Variants in PDE8B observed in about 807,000 individuals in gnomAD.
PDE8B encodes the protein phosphodiesterase 8B.
In PDE8B, 26 loss-of-function variants were observed where a neutral mutation model predicts 101.3. The ratio of observed to expected loss-of-function variants is 0.26; its 90% CI spans 0.19 to 0.36. The LOEUF (loss-of-function observed/expected upper bound fraction) is 0.36. PDE8B is among the 10% of genes least tolerant of loss of function. The probability of loss-of-function intolerance (pLI) is 1.00; values close to 1 mark genes in which losing one functional copy is unlikely to be tolerated. For missense variants in PDE8B, 810 were observed against 1,163.1 expected (o/e 0.70, Z 4.42); for synonymous variants, 424 against 429.3 (o/e 0.99, Z 0.15).
At chr5:77,311,892 T>A in intron 1 of PDE8B, 102 bp from the exon 2 acceptor site, 1 of 920,614 alleles carries the variant, frequency 1.1e-6, no homozygotes, top group Non-Finnish European at 1.8e-6. Flanking sequence ...ATTCTTCAAT[T>A]TAGTGCACAC....
chr5:77,400,888 T>C (rs1437792594), intron 11 of PDE8B, among the ~76,000 whole-genome samples: 1 of 152,182 alleles, frequency 6.6e-6, no homozygotes, highest in East Asian at 1.9e-4. Flanking sequence ...AAAATCAGTC[T>C]GCTACCAAGA....
the PDE8B span, among the ~76,000 whole-genome samples, chr5:77,187,878 C>G: frequency 1.3e-5 from 2 of 152,148 alleles, no homozygotes; most frequent in African/African-American, 2.4e-5. Flanking sequence ...AAATATTACT[C>G]CTTTTGAGTG....
chr5:77,424,175 A>C (rs1490569948), intron 20 of PDE8B, among the ~76,000 whole-genome samples: 7 of 152,206 alleles, frequency 4.6e-5, no homozygotes, highest in Non-Finnish European at 1.0e-4. Context: ...ACCTGAAATG[A>C]GCAAGCCAAG....
At chr5:77,173,048 G>A in the PDE8B span, among the ~76,000 whole-genome samples, 3 of 152,202 alleles carry the variant, frequency 2.0e-5, no homozygotes, top group African/African-American at 7.2e-5. Flanking sequence ...GCATGTAGAG[G>A]TGGTACCATC....
chr5:77,276,989 C>T (rs1413193793), intron 1 of PDE8B, among the ~76,000 whole-genome samples: 1 of 152,052 alleles, frequency 6.6e-6, no homozygotes, highest in Non-Finnish European at 1.5e-5. Context: ...GGGTGCTGGT[C>T]ACTGATCTCC....
chr5:77,324,117 C>A (rs1775602562), intron 2 of PDE8B, among the ~76,000 whole-genome samples: 1 of 152,024 alleles, frequency 6.6e-6, no homozygotes, highest in African/African-American at 2.4e-5. Flanking sequence ...GAGAAACTAC[C>A]CTTCTATTGT....
chr5:77,390,483 C>G (rs766582617), intron 10 of PDE8B, among the ~76,000 whole-genome samples: 6 of 152,176 alleles, frequency 3.9e-5, no homozygotes, highest in Non-Finnish European at 7.3e-5. Flanking sequence ...CACACAAAAT[C>G]AAACTTCCCA....
chr5:77,365,138 A>G (rs1783884142), intron 10 of PDE8B, among the ~76,000 whole-genome samples: 1 of 152,152 alleles, frequency 6.6e-6, no homozygotes, highest in Non-Finnish European at 1.5e-5. Flanking sequence ...GGAGTGTGGA[A>G]GGGCTAACAT....
At chr5:77,157,649 C>A in the PDE8B span, among the ~76,000 whole-genome samples, 62 of 152,320 alleles carry the variant, frequency 4.1e-4, no homozygotes, top group African/African-American at 1.4e-3. Context: ...GAGAAAATAT[C>A]TTATTTTCCT....
chr5:77,425,755 T>G lies in PDE8B; in HGVS notation c.2419-12T>G. 1 of 1,613,622 alleles carries G rather than the reference T, an allele frequency of 6.2e-7. No individual in the cohort carries two copies. The highest frequency in any genetic ancestry group is 8.5e-7 in the Non-Finnish European group (1 of 1,179,644). On this transcript the variant is annotated splice_polypyrimidine_tract_variant and intron_variant, in intron 20 of 21. Coordinates refer to ENST00000264917, the MANE Select transcript of PDE8B (RefSeq NM_003719.5). ...ATGTCCTCCAGCCCTATGTGGTGGTTTTTTCTTACAGACTGATGAAGAGAA... is the reference window on the plus strand; with the variant it reads ...ATGTCCTCCAGCCCTATGTGGTGGTGTTTTCTTACAGACTGATGAAGAGAA...
chr5:77,422,925 A>G (rs1339928825), intron 20 of PDE8B, among the ~76,000 whole-genome samples: 1 of 152,168 alleles, frequency 6.6e-6, no homozygotes, highest in Non-Finnish European at 1.5e-5. Flanking sequence ...AAAAGGGTAT[A>G]TTGCTGATGC....
chr5:77,222,084 G>A (rs529989436), intron 1 of PDE8B, among the ~76,000 whole-genome samples: 1 of 152,138 alleles, frequency 6.6e-6, no homozygotes, highest in South Asian at 2.1e-4. Context: ...GCTGCAAAAG[G>A]GTAACCTGGT....
At chr5:77,150,138 T>A in the PDE8B span, among the ~76,000 whole-genome samples, 34 of 152,300 alleles carry the variant, frequency 2.2e-4, no homozygotes, top group Admixed American at 2.0e-3. Context: ...AGTGTCCATA[T>A]AAGCTCATAT....
At chr5:77,419,974 TC>T in intron 19 of PDE8B, 87 bp downstream of exon 19, 1 of 1,468,092 alleles carries the variant, frequency 6.8e-7, no homozygotes, top group Non-Finnish European at 9.5e-7. Flanking sequence ...TCTCTCCCAC[TC>T]AAATGTAAGG....
At chr5:77,212,153 A>G (rs980534354) in intron 1 of PDE8B, among the ~76,000 whole-genome samples, 7 of 152,214 alleles carry the variant, frequency 4.6e-5, no homozygotes, top group East Asian at 1.9e-4. Context: ...GAGGCTTTTC[A>G]TTGTGTAAAT....
intron 1 of PDE8B, among the ~76,000 whole-genome samples, chr5:77,232,493 C>T (rs1296608339): frequency 1.3e-5 from 2 of 152,232 alleles, no homozygotes; most frequent in Non-Finnish European, 2.9e-5. Context: ...TAATGTCTTT[C>T]GTAGCTCATA....
chr5:77,323,829 G>GGC (rs1351562631), intron 2 of PDE8B, among the ~76,000 whole-genome samples: 1 of 151,998 alleles, frequency 6.6e-6, no homozygotes, highest in Non-Finnish European at 1.5e-5. Flanking sequence ...CATGGTGGCG[G>GGC]GCGCCTGTAA....
chr5:77,407,537 AT>A, intron 13 of PDE8B, 80 bp downstream of exon 13: 6 of 993,006 alleles, frequency 6.0e-6, no homozygotes, highest in Non-Finnish European at 9.7e-6. Context: ...TCACACTGAC[AT>A]CATGGAGCTC....
the PDE8B span, among the ~76,000 whole-genome samples, chr5:77,097,505 G>T: frequency 6.6e-6 from 1 of 150,804 alleles, no homozygotes; most frequent in African/African-American, 2.4e-5. Context: ...ATACAGTGTT[G>T]AAGACTCATG....
Sources: gnomAD v4.1 joint callset for allele counts (sites outside exome capture counted in the v4.1 genomes callset) on GRCh38, gnomAD v4.1.1 for gene constraint, MANE v1.5 for transcripts, NCBI Gene and HGNC (gene_info 2026-07-23, HGNC 2026-07-21) for gene names.